ETNK2: variants seen among roughly 807,000 people sequenced by gnomAD.
ETNK2 encodes the protein ethanolamine kinase-like protein.
Under a neutral mutation model 46.2 loss-of-function variants are expected in ETNK2, and 33 were observed. The observed-to-expected ratio is 0.71, with a 90% CI of 0.54 to 0.96. The LOEUF (loss-of-function observed/expected upper bound fraction) is 0.96, where lower values mean the gene tolerates loss of function less well. ETNK2 is among the 40% of genes least tolerant of loss of function. The pLI is 0.00. For synonymous variants in ETNK2, 194 were observed against 209.0 expected, an observed-to-expected ratio of 0.93 and a Z score of 0.62; for missense variants, 445 against 509.7, an observed-to-expected ratio of 0.87 and a Z score of 1.22.
chr1:204,137,357 T>C, intron 5 of ETNK2, 108 bp from the exon 6 acceptor site: 16 of 1,390,966 alleles, frequency 1.2e-5, no homozygotes, highest in African/African-American at 1.5e-5. Flanking sequence ...TCTCCTTTGA[T>C]CTTTGGGGCT....
chr1:204,146,958 A>G (rs1657811890), intron 2 of ETNK2, 194 bp from the exon 3 acceptor site: 1 of 741,482 alleles, frequency 1.3e-6, no homozygotes, highest in Non-Finnish European at 2.4e-6. Flanking sequence ...AGGAGAATGA[A>G]TTAAGACCTT....
At chr1:204,147,068 AC>A (rs1657817156) in intron 2 of ETNK2, 1 of 506,054 alleles carries the variant, frequency 2.0e-6, no homozygotes, top group African/African-American at 1.9e-5. Flanking sequence ...GCCTTGTCCT[AC>A]CCCAGTGTAC....
In ETNK2 at chr1:204,151,666, T is replaced by G. The variant is rs564304932; in HGVS notation, c.187A>C (p.Ile63Leu). 4 of 1,548,882 alleles carry G rather than the reference T, an allele frequency of 2.6e-6. No individual in the cohort carries two copies. The African/African-American group carries it at 5.5e-5, about 21-fold the overall frequency. Residue 63 changes from isoleucine (I) to leucine (L), a missense_variant, in exon 1 of 8, where the codon ATC (isoleucine) becomes CTC (leucine). Coordinates refer to ENST00000367202, the MANE Select transcript of ETNK2 (RefSeq NM_018208.4). This position sits in a 1 kb window ranked among gnomAD's most constrained non-coding sequence, Gnocchi z 8.0. ...ATGAGGCGCAGGGCCCCGGGAAGGATGTCGTCCGGGTCCACGGAAATGCCG... is the reference window on the plus strand; with the variant it reads ...ATGAGGCGCAGGGCCCCGGGAAGGAGGTCGTCCGGGTCCACGGAAATGCCG... ...YFGISVDPDD[I>L]LPGALRLIQE...
chr1:204,151,027 G>T lies in ETNK2; in HGVS notation c.258+568C>A. 5.8e-6 allele frequency: 1 copy of T among 170,984 alleles called. No homozygotes were observed. Among genetic ancestry groups the T allele is most frequent in the Non-Finnish European group, 1.2e-5 (1 of 81,024 alleles). The allele number at this position is 170,984 out of a possible 1,614,324, so 10.6% of individuals were successfully genotyped here. On this transcript the variant is annotated intron_variant, in intron 1 of 7. Transcript: ENST00000367202. This position sits in a 1 kb window ranked among gnomAD's most constrained non-coding sequence, Gnocchi z 8.0. ...GTCCTGGGACCTGTGTCCAGCTGGG[G>T]CTGGGGAAGATGGCCTGTGTGGGGG... is the stretch of plus-strand genomic sequence containing the variant.
At chr1:204,144,969 T>C (rs1364769714) in intron 3 of ETNK2, among the ~76,000 whole-genome samples, 1 of 152,240 alleles carries the variant, frequency 6.6e-6, no homozygotes, top group African/African-American at 2.4e-5. Context: ...CTTAAGCTCT[T>C]TGAGGGCAGG....
rs2102275526 is a variant in ETNK2, at chr1:204,131,594, T to C, written c.*590A>G. On this transcript the variant is annotated 3_prime_UTR_variant, in exon 8 of 8. Transcript: ENST00000367202. The surrounding 1 kb of genome is among the most constrained non-coding windows in gnomAD (Gnocchi z 4.3). ...CATGTTTCCTCGGGCTGAGGTTTGA[T>C]TGGATCTGGTTTGGAGAAGGTGAGG... 6.4e-6 allele frequency: 1 copy of C among 155,770 alleles called. No homozygotes were observed. Among genetic ancestry groups the C allele is most frequent in the South Asian group, 2.0e-4 (1 of 5,092 alleles). The allele number at this position is 155,770 out of a possible 1,614,324, so 9.6% of individuals were successfully genotyped here.
rs149960550 is a variant in ETNK2 at position 204,137,137 on chromosome 1, T to C, written c.981A>G (p.Gln327=). ...KGMAVTPREV[Q]RLYVQVNKFA... is the part of the protein sequence containing the mutation. ...ACTTGTTGACTTGCACGTAGAGCCT[T>C]TGCACCTCCCTGGGGGTCACGGCCA... The change falls in exon 6 of 8, where the codon CAA becomes CAG. Residue 327 remains glutamine (Q), a synonymous_variant. Coordinates refer to ENST00000367202, the MANE Select transcript of ETNK2 (RefSeq NM_018208.4). 7.4e-6 allele frequency: 12 copies of C among 1,613,762 alleles called. No individual in the cohort carries two copies. In the African/African-American group the frequency reaches 1.3e-4, roughly 18 times the overall value.
chr1:204,141,679 C>T (rs1160346861), intron 3 of ETNK2: 3 of 561,182 alleles, frequency 5.3e-6, no homozygotes, highest in Non-Finnish European at 9.5e-6. Context: ...CTGATAAAGA[C>T]ATGGGCGTCA....
At chr1:204,135,001 T>G (rs1342403313) in intron 6 of ETNK2, among the ~76,000 whole-genome samples, 1 of 152,050 alleles carries the variant, frequency 6.6e-6, no homozygotes, top group African/African-American at 2.4e-5. Flanking sequence ...GAGGTTAGGC[T>G]TAATGGTCAG....
chr1:204,149,509 C>A (rs1657916362), intron 2 of ETNK2, among the ~76,000 whole-genome samples, 194 bp downstream of exon 2: 3 of 152,314 alleles, frequency 2.0e-5, no homozygotes, highest in Admixed American at 2.0e-4. Context: ...TTTCCTCCCC[C>A]AGAACTCACC....
At position 204,146,637 on chromosome 1, in the gene ETNK2, T is replaced by A; in HGVS notation, c.641+5A>T. ...GCAGCCTTGGACCCTCCCAGATCTT[T>A]GTACCTGGGGTTGATCTCGTTCTTC... On this transcript the variant is annotated splice_donor_5th_base_variant and intron_variant, in intron 3 of 7. Coordinates refer to ENST00000367202, the MANE Select transcript of ETNK2 (RefSeq NM_018208.4). 6.2e-7 allele frequency: 1 copy of A among 1,613,998 alleles called. No individual in the cohort carries two copies. The highest frequency in any genetic ancestry group is 1.1e-5 in the South Asian group (1 of 91,082).
At position 204,137,214 on chromosome 1, in the gene ETNK2, G is replaced by C. The variant is rs201980742; in HGVS notation, c.904C>G (p.Arg302Gly). ...NEVDYCLYPA[R>G]ETQLQWLHYY... is the part of the protein sequence containing the mutation. ...TGCAGCCACTGCAGCTGGGTCTCCC[G>C]CGCCGGGTACAGGCAGTAATCCACC... Residue 302 changes from arginine to glycine, a missense_variant, in exon 6 of 8, where the codon CGG becomes GGG. Transcript: ENST00000367202. 1 of 1,613,904 alleles carries C rather than the reference G, an allele frequency of 6.2e-7. No individual in the cohort carries two copies. Among genetic ancestry groups the C allele is most frequent in the South Asian group, 1.1e-5 (1 of 91,076 alleles).
chr1:204,144,204 G>A (rs779880511), intron 3 of ETNK2, among the ~76,000 whole-genome samples: 3 of 151,700 alleles, frequency 2.0e-5, no homozygotes, highest in Non-Finnish European at 4.4e-5. Context: ...AAATTAGCCG[G>A]GCGTGGTGGT....
intron 2 of ETNK2, chr1:204,147,338 G>C: frequency 2.2e-6 from 1 of 454,936 alleles, no homozygotes; most frequent in Admixed American, 2.4e-5. Flanking sequence ...GGGTGCCAAG[G>C]CCGCAAAACA....
At chr1:204,137,386 C>G (rs886600906) in intron 5 of ETNK2, 137 bp from the exon 6 acceptor site, 1 of 1,127,452 alleles carries the variant, frequency 8.9e-7, no homozygotes, top group South Asian at 1.7e-5. Flanking sequence ...GGAGGCGGCC[C>G]GAGAAGGCAG....
chr1:204,149,937 T>G lies in ETNK2; in HGVS notation c.284A>C (p.Lys95Thr), dbSNP rs1162195998. Residue 95 changes from lysine (K) to threonine (T), a missense_variant, in exon 2 of 8, where the codon AAG (lysine) becomes ACG (threonine). Physicochemically the swap from Lys to Thr is moderately conservative, Grantham distance 78. Transcript: ENST00000367202. Reference protein sequence around the residue: ...TKRFTDGITNKLVACYVEEDM... With the variant: ...TKRFTDGITNTLVACYVEEDM... Reference sequence around the variant, plus strand: ...CTCCTCCACATAGCAGGCCACCAGCTTGTTGGTGATGCCATCCGTGAAGCG... The same window carrying G: ...CTCCTCCACATAGCAGGCCACCAGCGTGTTGGTGATGCCATCCGTGAAGCG... 3.9e-6 allele frequency: 6 copies of G among 1,542,658 alleles called. No homozygotes were observed. Among genetic ancestry groups the G allele is most frequent in the Admixed American group, 3.9e-5 (2 of 50,878 alleles).
chr1:204,147,426 G>A (rs774453034), intron 2 of ETNK2: 1 of 533,376 alleles, frequency 1.9e-6, no homozygotes, highest in Non-Finnish European at 3.8e-6. Context: ...AGGAAAGGTT[G>A]CTGGGAGAAG....
At chr1:204,139,878 G>A (rs933166407) in intron 5 of ETNK2, among the ~76,000 whole-genome samples, 157 bp downstream of exon 5, 10 of 152,072 alleles carry the variant, frequency 6.6e-5, no homozygotes, top group African/African-American at 1.2e-4. Flanking sequence ...AAGTATTTAC[G>A]TATCTAAACA....
intron 3 of ETNK2, chr1:204,142,039 C>CT (rs1224873784): frequency 6.5e-6 from 1 of 154,792 alleles, no homozygotes; most frequent in Non-Finnish European, 1.4e-5. Context: ...ATGCACCCCC[C>CT]TCTCACCCCA....
Sources: allele counts gnomAD v4.1 joint callset (sites outside exome capture counted in the v4.1 genomes callset), GRCh38; gene constraint gnomAD v4.1.1; non-coding constraint Gnocchi (gnomAD v3.1); transcripts MANE v1.5; gene names NCBI Gene and HGNC (gene_info 2026-07-23, HGNC 2026-07-21).